The following NHS variants were observed in gnomAD, a reference collection of about 807,000 sequenced individuals.
The protein encoded by NHS is actin remodeling regulator NHS.
In NHS, 5 loss-of-function variants were observed where a neutral mutation model predicts 72.5. That is an observed-to-expected ratio of 0.07 (90% CI 0.04 to 0.14). NHS has a LOEUF of 0.14. Ranked by LOEUF, NHS falls within the 10% of genes least tolerant of loss-of-function variation. The probability of loss-of-function intolerance (pLI) is 1.00; values close to 1 mark genes in which losing one functional copy is unlikely to be tolerated. For missense variants in NHS, 1,072 were observed against 1,355.7 expected (o/e 0.79, Z 3.29); for synonymous variants, 464 against 547.7 (o/e 0.85, Z 2.13).
At chrX:17,714,925 T>A (rs2066356125) in intron 3 of NHS, among the ~76,000 whole-genome samples, 1 of 112,472 alleles carries the variant, frequency 8.9e-6, no homozygotes, top group Non-Finnish European at 1.9e-5. Flanking sequence ...GATTATTGCA[T>A]TCATTATATA....
chrX:17,489,906 G>A (rs776312083), intron 1 of NHS, among the ~76,000 whole-genome samples: 1 of 112,018 alleles, frequency 8.9e-6, no homozygotes, highest in East Asian at 2.8e-4. Flanking sequence ...TAATATGTTT[G>A]TTGGCCGTAT....
At chrX:17,403,793 CCT>C (rs1217451207) in intron 1 of NHS, among the ~76,000 whole-genome samples, 3 of 111,314 alleles carry the variant, frequency 2.7e-5, no homozygotes, top group Non-Finnish European at 5.7e-5. Context: ...TTCCTGGCTC[CCT>C]CTCTCTTAGT....
chrX:17,562,671 G>A (rs754345272), intron 1 of NHS, among the ~76,000 whole-genome samples: 17 of 111,665 alleles, frequency 1.5e-4, no homozygotes, highest in African/African-American at 5.5e-4. Flanking sequence ...AAAATATAAT[G>A]GAAGTTTTGG....
At chrX:17,387,529 T>C (rs1415591656) in intron 1 of NHS, among the ~76,000 whole-genome samples, 4 of 112,226 alleles carry the variant, frequency 3.6e-5, no homozygotes, top group African/African-American at 1.3e-4. Context: ...TTCCTTTCTT[T>C]TAAGGTACAT....
intron 1 of NHS, among the ~76,000 whole-genome samples, chrX:17,572,993 G>A (rs957455111): frequency 2.7e-5 from 3 of 112,186 alleles, no homozygotes; most frequent in Non-Finnish European, 5.6e-5. Context: ...CTTTAGGAAT[G>A]TTGAATATCG....
chrX:17,638,300 A>G (rs2065861286), intron 1 of NHS, among the ~76,000 whole-genome samples: 1 of 112,308 alleles, frequency 8.9e-6, no homozygotes, highest in African/African-American at 3.2e-5. Flanking sequence ...TCTTATGGCA[A>G]AGACCATTTT....
chrX:17,519,030 G>T (rs1344516334), intron 1 of NHS, among the ~76,000 whole-genome samples: 1 of 111,713 alleles, frequency 9.0e-6, no homozygotes, highest in Non-Finnish European at 1.9e-5. Flanking sequence ...AGAGGAGGGT[G>T]AATAAAGCAC....
intron 3 of NHS, among the ~76,000 whole-genome samples, chrX:17,718,319 G>A (rs775853654): frequency 2.3e-3 from 175 of 76,268 alleles, no homozygotes; most frequent in African/African-American, 9.0e-3. Context: ...AAAAAATAAA[G>A]ATAGGAAGGA....
chrX:17,549,338 C>T lies in NHS; in HGVS notation c.566-138404C>T, dbSNP rs774700917. Among the ~76,000 whole-genome samples the T allele has an allele frequency of 2.7e-3, 293 of 110,205 alleles. 2 individuals carry two copies. The highest frequency in any genetic ancestry group is 4.3e-3 in the Non-Finnish European group (227 of 52,773). ...GGCTGAGTTTTTCCTTTAAGTACTA[C>T]TTTGGTGCTAACTGCCCCCGTTGTT... On this transcript the variant is annotated intron_variant, in intron 1 of 8. Coordinates refer to ENST00000676302, the MANE Select transcript of NHS (RefSeq NM_001291867.2).
chrX:17,623,794 C>T, intron 1 of NHS, among the ~76,000 whole-genome samples: 1 of 112,302 alleles, frequency 8.9e-6, no homozygotes, highest in Middle Eastern at 4.6e-3. Context: ...TCCTCACTGT[C>T]TCCCTCAGTG....
At chrX:17,722,038 C>G (rs777055481) in intron 5 of NHS, among the ~76,000 whole-genome samples, 41 of 111,888 alleles carry the variant, frequency 3.7e-4, no homozygotes, top group Non-Finnish European at 3.4e-4. Context: ...TTTCATGCTT[C>G]CTTGGATGAA....
rs928985557 is a variant in NHS, at chrX:17,677,632, T to C, written c.566-10110T>C. Among the ~76,000 whole-genome samples, 4 of 111,174 alleles carry C rather than the reference T, an allele frequency of 3.6e-5. No individual in the cohort carries two copies. In the South Asian group the frequency reaches 1.5e-3, roughly 43 times the overall value. On this transcript the variant is annotated intron_variant, in intron 1 of 8. Transcript: ENST00000676302. ...AGCATACTCACAATCACATGGAGAA[T>C]GTGGCCTCGACAGGGGTTTTTAAAG...
intron 1 of NHS, among the ~76,000 whole-genome samples, chrX:17,582,881 T>C (rs1482294945): frequency 8.9e-6 from 1 of 112,476 alleles, no homozygotes. Flanking sequence ...GTATGTAAAA[T>C]GGATGCCAAG....
intron 1 of NHS, among the ~76,000 whole-genome samples, chrX:17,483,566 G>A (rs1180481574): frequency 1.8e-5 from 2 of 111,926 alleles, no homozygotes; most frequent in Non-Finnish European, 3.8e-5. Flanking sequence ...GTTTGTGTCA[G>A]GCATTGTGCT....
intron 1 of NHS, among the ~76,000 whole-genome samples, chrX:17,620,826 G>A (rs2065769718): frequency 9.0e-6 from 1 of 111,387 alleles, no homozygotes; most frequent in African/African-American, 3.3e-5. Context: ...GTCCAGGAAT[G>A]GGACTATGTC....
chrX:17,716,866 T>G (rs887552133), intron 3 of NHS, among the ~76,000 whole-genome samples: 2 of 110,708 alleles, frequency 1.8e-5, no homozygotes, highest in Non-Finnish European at 3.8e-5. Context: ...ACTGGCAGTT[T>G]CCTCTACTTG....
At chrX:17,548,837 G>T (rs141092490) in intron 1 of NHS, among the ~76,000 whole-genome samples, 1 of 111,381 alleles carries the variant, frequency 9.0e-6, no homozygotes. Context: ...CTGACAACAG[G>T]CCCCTGGGGG....
chrX:17,536,877 G>A (rs1206271708), intron 1 of NHS, among the ~76,000 whole-genome samples: 1 of 111,694 alleles, frequency 9.0e-6, no homozygotes, highest in African/African-American at 3.3e-5. Context: ...ATTCTAAGAC[G>A]GTATTTGAAG....
Position 17,687,195 on chromosome X carries a change from G to A in NHS, c.566-547G>A, listed in dbSNP as rs1459149059. 2.3e-5 allele frequency: 3 copies of A among 130,262 alleles called. No homozygotes were observed. The East Asian group carries it at 5.9e-4, about 26-fold the overall frequency. The allele number at this position is 130,262 out of a possible 1,213,427, so 10.7% of individuals were successfully genotyped here. On this transcript the variant is annotated intron_variant, in intron 1 of 8. Coordinates refer to ENST00000676302, the MANE Select transcript of NHS (RefSeq NM_001291867.2). ...TTGAAAGATGACAGGCAATGGAGCC[G>A]GTAGGTGTAGGGCATGATAAGGATA...
Sources: allele counts gnomAD v4.1 joint callset (sites outside exome capture counted in the v4.1 genomes callset), GRCh38; gene constraint gnomAD v4.1.1; transcripts MANE v1.5; gene names NCBI Gene and HGNC (gene_info 2026-07-23, HGNC 2026-07-21).